Variants in CAMK2D observed in about 807,000 individuals in gnomAD.
CAMK2D encodes the protein calcium/calmodulin-dependent protein kinase type II subunit delta.
A neutral mutation model predicts 84.0 loss-of-function variants in CAMK2D; 37 were observed. The observed-to-expected ratio is 0.44, with a 90% CI of 0.34 to 0.58. The LOEUF is 0.58. CAMK2D is among the 20% of genes least tolerant of loss of function. The pLI is 0.02. For missense variants in CAMK2D, 448 were observed against 652.5 expected (o/e 0.69, Z 3.41); for synonymous variants, 202 against 212.5 (o/e 0.95, Z 0.43).
At chr4:113,633,761 C>T (rs2099099632) in intron 3 of CAMK2D, among the ~76,000 whole-genome samples, 1 of 152,056 alleles carries the variant, frequency 6.6e-6, no homozygotes. Context: ...AAGTGCTTAG[C>T]ATCTCTGCCT....
chr4:113,583,999 A>G (rs2098822750), intron 4 of CAMK2D, among the ~76,000 whole-genome samples: 1 of 152,224 alleles, frequency 6.6e-6, no homozygotes, highest in Non-Finnish European at 1.5e-5. Flanking sequence ...AAGCTTAATC[A>G]TTGGCTGGGG....
chr4:113,486,187 G>A (rs945498390), intron 16 of CAMK2D, among the ~76,000 whole-genome samples: 2 of 151,892 alleles, frequency 1.3e-5, no homozygotes, highest in Non-Finnish European at 2.9e-5. Flanking sequence ...AGTGAGTGCA[G>A]TAGTGCAGTC....
At chr4:113,553,652 C>T (rs558970005) in intron 4 of CAMK2D, among the ~76,000 whole-genome samples, 22 of 152,152 alleles carry the variant, frequency 1.4e-4, no homozygotes, top group South Asian at 1.0e-3. Flanking sequence ...CTTTAACGTC[C>T]GTCATTATTT....
At chr4:113,674,343 T>G (rs2099309188) in intron 2 of CAMK2D, among the ~76,000 whole-genome samples, 1 of 152,192 alleles carries the variant, frequency 6.6e-6, no homozygotes, top group Non-Finnish European at 1.5e-5. Flanking sequence ...TCATCGTTCA[T>G]CATTCATTGA....
intron 6 of CAMK2D, among the ~76,000 whole-genome samples, chr4:113,543,803 T>C (rs1353386150): frequency 6.8e-6 from 1 of 147,876 alleles, no homozygotes; most frequent in Non-Finnish European, 1.5e-5. Flanking sequence ...TTTATTTATT[T>C]ATTTTTGAGA....
At chr4:113,503,778 T>C (rs2098088816) in intron 14 of CAMK2D, among the ~76,000 whole-genome samples, 1 of 152,160 alleles carries the variant, frequency 6.6e-6, no homozygotes, top group African/African-American at 2.4e-5. Flanking sequence ...AGCAAAGAAA[T>C]ATTCCCAAGT....
At chr4:113,537,469 G>A in intron 6 of CAMK2D, 26 bp from the exon 7 acceptor site, 1 of 1,351,006 alleles carries the variant, frequency 7.4e-7, no homozygotes, top group East Asian at 2.3e-5. Context: ...AAAAAAAAGA[G>A]ACTGAAGTGA....
intron 3 of CAMK2D, among the ~76,000 whole-genome samples, chr4:113,618,793 C>T (rs1182314491): frequency 1.3e-5 from 2 of 152,084 alleles, no homozygotes. Context: ...TATGAACTTG[C>T]TCATGAATTA....
chr4:113,686,112 C>T (rs2099359128), intron 2 of CAMK2D, among the ~76,000 whole-genome samples: 1 of 151,322 alleles, frequency 6.6e-6, no homozygotes, highest in Non-Finnish European at 1.5e-5. Context: ...GAATAAATGC[C>T]AAGTCACTAA....
intron 6 of CAMK2D, among the ~76,000 whole-genome samples, chr4:113,543,769 T>TTTA (rs150275129): frequency 3.4e-4 from 18 of 53,482 alleles, no homozygotes; most frequent in Non-Finnish European, 5.3e-4. Context: ...ATCTATCAAG[T>TTTA]TTATTTATTT....
At chr4:113,749,597 A>AT (rs1181669541) in intron 2 of CAMK2D, among the ~76,000 whole-genome samples, 2 of 152,220 alleles carry the variant, frequency 1.3e-5, no homozygotes, top group South Asian at 4.1e-4. Flanking sequence ...ATGGATCAAA[A>AT]TTTTTTTAAA....
In CAMK2D at chr4:113,652,620, T is replaced by C. The variant is rs143242792; in HGVS notation, c.220+9093A>G. Among the ~76,000 whole-genome samples the C allele has an allele frequency of 7.9e-4, 121 of 152,276 alleles. 3 individuals carry two copies. In the East Asian group the frequency reaches 0.02, roughly 26 times the overall value. The stretch of plus-strand genomic sequence containing the variant: ...CAACTCAAGCCCCAACAAAACAAAG[T>C]ACTCCTCATGTTTGGGATTATTTTT... On this transcript the variant is annotated intron_variant, in intron 3 of 20. Transcript: ENST00000511664.
rs548503933 is a variant in CAMK2D, at chr4:113,743,532, C to A, written c.160+15788G>T. ...CCACTTCTATTTCTCTTCTTCTCAG[C>A]AGAACTATAACTGCCCTCTTCTCCA... On this transcript the variant is annotated intron_variant, in intron 2 of 20. Coordinates refer to ENST00000511664, the MANE Select transcript of CAMK2D (RefSeq NM_001321571.2). Among the ~76,000 whole-genome samples, 50 of 152,296 alleles carry A rather than the reference C, an allele frequency of 3.3e-4. No individual in the cohort carries two copies. In the South Asian group the frequency reaches 7.7e-3, roughly 23 times the overall value.
chr4:113,453,212 T>G lies in CAMK2D; in HGVS notation c.*1333A>C, dbSNP rs1168437864. 1 of 152,146 alleles carries G rather than the reference T, an allele frequency of 6.6e-6. No individual in the cohort carries two copies. The highest frequency in any genetic ancestry group is 2.4e-5 in the African/African-American group (1 of 41,438). 9.4% of individuals were successfully genotyped at this position (152,146 alleles called of 1,614,324 possible). A position where few individuals can be genotyped will look rare whatever the true frequency, so the allele number is the denominator to read the frequency against. ...TCCTTGGAGGAAGACAATGATACTC[T>G]GATTCAAGAGAGAAGCTAAAAAAGC... On this transcript the variant is annotated 3_prime_UTR_variant, in exon 21 of 21. Transcript: ENST00000511664.
intron 4 of CAMK2D, among the ~76,000 whole-genome samples, chr4:113,577,674 T>C (rs569019940): frequency 1.1e-3 from 162 of 152,210 alleles, no homozygotes; most frequent in Middle Eastern, 3.4e-3. Flanking sequence ...CCTTAGTGAG[T>C]GGTTCTTTAA....
chr4:113,687,016 GA>G (rs1236533408), intron 2 of CAMK2D, among the ~76,000 whole-genome samples: 10 of 151,734 alleles, frequency 6.6e-5, no homozygotes, highest in Admixed American at 5.9e-4. Context: ...TCCCAGGAAG[GA>G]AAAAAAATCA....
At chr4:113,501,178 T>C (rs182699339) in intron 15 of CAMK2D, among the ~76,000 whole-genome samples, 160 of 152,214 alleles carry the variant, frequency 1.1e-3, no homozygotes, top group Non-Finnish European at 2.0e-3. Context: ...CTGGCTGTTA[T>C]TGATAAGAAA....
intron 16 of CAMK2D, among the ~76,000 whole-genome samples, chr4:113,488,285 T>G (rs563695404): frequency 6.6e-6 from 1 of 152,316 alleles, no homozygotes; most frequent in South Asian, 2.1e-4. Flanking sequence ...ACTATGAAAT[T>G]TTTGATTACA....
intron 2 of CAMK2D, among the ~76,000 whole-genome samples, chr4:113,737,896 T>C (rs1203014203): frequency 6.6e-6 from 1 of 151,850 alleles, no homozygotes; most frequent in African/African-American, 2.4e-5. Context: ...AGAGCTCTCA[T>C]CTGGGTCAAT....
Sources: allele counts gnomAD v4.1 joint callset (sites outside exome capture counted in the v4.1 genomes callset), GRCh38; gene constraint gnomAD v4.1.1; transcripts MANE v1.5; gene names NCBI Gene and HGNC (gene_info 2026-07-23, HGNC 2026-07-21).